The following NCAM1 variants were observed in gnomAD, a reference collection of about 807,000 sequenced individuals.
NCAM1 encodes the protein neural cell adhesion molecule 1.
Under a neutral mutation model 109.8 loss-of-function variants are expected in NCAM1, and 14 were observed. The observed-to-expected ratio is 0.13, with a 90% CI of 0.08 to 0.20. NCAM1 has a LOEUF of 0.20. Ranked by LOEUF, NCAM1 falls within the 10% of genes least tolerant of loss-of-function variation. The pLI is 1.00. For missense variants in NCAM1, 774 were observed against 1,109.9 expected (o/e 0.70, Z 4.30); for synonymous variants, 418 against 442.9 (o/e 0.94, Z 0.70).
chr11:113,185,707 C>T (rs192625650), intron 1 of NCAM1, among the ~76,000 whole-genome samples: 273 of 152,236 alleles, frequency 1.8e-3, no homozygotes, highest in Admixed American at 3.4e-3. Flanking sequence ...ATAAGCAATT[C>T]CAGGAAGGGG....
intron 17 of NCAM1, among the ~76,000 whole-genome samples, chr11:113,262,453 G>T (rs927216118): frequency 6.6e-6 from 1 of 152,184 alleles, no homozygotes; most frequent in African/African-American, 2.4e-5. Flanking sequence ...GTATTTTAGC[G>T]TGGAGGCTTC....
intron 1 of NCAM1, among the ~76,000 whole-genome samples, chr11:113,041,983 C>T (rs1565400494): frequency 1.3e-5 from 2 of 152,210 alleles, no homozygotes; most frequent in East Asian, 3.8e-4. Flanking sequence ...CTCTTTCTTT[C>T]TAATTTCATG....
At position 112,997,479 on chromosome 11, in the gene NCAM1, C is replaced by T. The variant is rs185364215; in HGVS notation, c.52+35815C>T. ...GTTTTTGCCTTCTTTGGTAAAACTG[C>T]TCTGGGGACAGTGTTCATTATTTTC... On this transcript the variant is annotated intron_variant, in intron 1 of 19. Transcript: ENST00000316851. Among the ~76,000 whole-genome samples the T allele has an allele frequency of 3.6e-3, 550 of 152,228 alleles. 1 individual carries two copies. Among genetic ancestry groups the T allele is most frequent in the Non-Finnish European group, 4.1e-3 (277 of 68,010 alleles).
At chr11:113,242,191 A>G (rs781804892) in intron 14 of NCAM1, among the ~76,000 whole-genome samples, 3 of 152,274 alleles carry the variant, frequency 2.0e-5, no homozygotes, top group Non-Finnish European at 2.9e-5. Flanking sequence ...CACAAAACAT[A>G]CTGCTCAGCA....
intron 4 of NCAM1, 51 bp downstream of exon 4, chr11:113,205,717 C>T (rs957963041): frequency 6.3e-7 from 1 of 1,587,836 alleles, no homozygotes; most frequent in South Asian, 1.2e-5. Context: ...CACCAAGTTC[C>T]CTAGCTTTTT....
At chr11:113,098,462 A>T (rs1020023) in intron 1 of NCAM1, among the ~76,000 whole-genome samples, 126,192 of 152,032 alleles carry the variant, frequency 0.83, 52,729 homozygotes, top group African/African-American at 0.93. Flanking sequence ...TATTATTATT[A>T]TTTTTTCAAA....
At chr11:113,052,412 C>T (rs1953536072) in intron 1 of NCAM1, among the ~76,000 whole-genome samples, 1 of 152,046 alleles carries the variant, frequency 6.6e-6, no homozygotes, top group Non-Finnish European at 1.5e-5. Context: ...TATTTTCTGC[C>T]TAATCTGAAC....
At chr11:112,965,527 C>T (rs1421233086) in intron 1 of NCAM1, among the ~76,000 whole-genome samples, 1 of 152,154 alleles carries the variant, frequency 6.6e-6, no homozygotes, top group Non-Finnish European at 1.5e-5. Flanking sequence ...ACCATTTTGT[C>T]ACTCAAAAGC....
intron 1 of NCAM1, among the ~76,000 whole-genome samples, chr11:113,088,183 A>G (rs7933413): frequency 0.22 from 32,729 of 152,168 alleles, 3,793 homozygotes; most frequent in East Asian, 0.47. Flanking sequence ...ACTTAAAGAG[A>G]GAAATACCAC....
intron 1 of NCAM1, among the ~76,000 whole-genome samples, chr11:113,152,189 C>A (rs1280609512): frequency 6.6e-6 from 1 of 152,216 alleles, no homozygotes; most frequent in Admixed American, 6.5e-5. Flanking sequence ...TTCAGCATCA[C>A]AGCTCTGGTC....
chr11:113,000,520 G>A (rs977719114), intron 1 of NCAM1, among the ~76,000 whole-genome samples: 12 of 152,058 alleles, frequency 7.9e-5, no homozygotes, highest in East Asian at 3.9e-4. Flanking sequence ...CAGGAAGTAC[G>A]GATAACGAGA....
At chr11:113,016,164 A>G (rs1952201032) in intron 1 of NCAM1, among the ~76,000 whole-genome samples, 1 of 152,208 alleles carries the variant, frequency 6.6e-6, no homozygotes. Flanking sequence ...AAACAATAAC[A>G]GTAATTCTTG....
intron 1 of NCAM1, among the ~76,000 whole-genome samples, chr11:113,035,149 G>A (rs1555078959): frequency 1.3e-5 from 2 of 152,142 alleles, no homozygotes; most frequent in African/African-American, 4.8e-5. Flanking sequence ...TACATTCCTA[G>A]TTAGTAGAAG....
intron 1 of NCAM1, among the ~76,000 whole-genome samples, chr11:113,107,819 A>G (rs556414195): frequency 6.6e-6 from 1 of 152,158 alleles, no homozygotes; most frequent in East Asian, 1.9e-4. Context: ...TGTTGACCAA[A>G]TGGCATAAAT....
At chr11:112,974,436 C>T (rs1950957174) in intron 1 of NCAM1, among the ~76,000 whole-genome samples, 1 of 151,966 alleles carries the variant, frequency 6.6e-6, no homozygotes, top group Non-Finnish European at 1.5e-5. Context: ...ATGTCACACA[C>T]TGAAAGACTG....
In NCAM1 at chr11:113,104,865, A is replaced by G. The variant is rs574769852; in HGVS notation, c.53-97514A>G. On this transcript the variant is annotated intron_variant, in intron 1 of 19. Transcript: ENST00000316851. ...TTGATATTTAATCAACATAAAAACA[A>G]AGTAAATTTTAACTGTATGTCCTTT... 3.9e-5 allele frequency among the ~76,000 whole-genome samples: 6 copies of G among 152,322 alleles called. No individual in the cohort carries two copies. In the East Asian group the frequency reaches 9.6e-4, roughly 24 times the overall value.
chr11:113,012,814 A>G (rs1555074722), intron 1 of NCAM1, among the ~76,000 whole-genome samples: 1 of 152,218 alleles, frequency 6.6e-6, no homozygotes, highest in African/African-American at 2.4e-5. Context: ...CAAATAAGGT[A>G]ACATTCTGAG....
intron 1 of NCAM1, among the ~76,000 whole-genome samples, chr11:113,170,447 C>CA (rs1275130657): frequency 1.3e-5 from 2 of 151,664 alleles, no homozygotes; most frequent in East Asian, 1.9e-4. Context: ...TGACAAAGAG[C>CA]AAAAAAACAA....
rs1950944428 is a variant in NCAM1, at chr11:112,973,991, A to ATAGGGTTAAT, written c.52+12328_52+12337dup. On this transcript the variant is annotated intron_variant, in intron 1 of 19. Coordinates refer to ENST00000316851, the MANE Select transcript of NCAM1 (RefSeq NM_181351.5). The stretch of plus-strand genomic sequence containing the variant: ...TATCTAGATTCTCCTTTCCATTTGC[A>ATAGGGTTAAT]TAGGGTTAATATCAAATCTGTCAAT... Among the ~76,000 whole-genome samples the ATAGGGTTAAT allele has an allele frequency of 6.6e-5, 10 of 152,230 alleles. No homozygotes were observed. In the South Asian group the frequency reaches 2.1e-3, roughly 32 times the overall value.
Sources: gnomAD v4.1 joint callset for allele counts (sites outside exome capture counted in the v4.1 genomes callset) on GRCh38, gnomAD v4.1.1 for gene constraint, MANE v1.5 for transcripts, NCBI Gene and HGNC (gene_info 2026-07-23, HGNC 2026-07-21) for gene names.